The following FAM120B variants were observed in gnomAD, a reference collection of about 807,000 sequenced individuals.
The protein encoded by FAM120B is family with sequence similarity 120 member B.
FAM120B carries 83 observed loss-of-function variants against 96.3 expected under a neutral mutation model. That is an observed-to-expected ratio of 0.86 (90% CI 0.72 to 1.03). FAM120B has a LOEUF of 1.03. Among genes scored for constraint, FAM120B ranks in the 50% least tolerant of loss-of-function variants. The pLI, the probability that FAM120B is intolerant of heterozygous loss-of-function variation, is 0.00. For synonymous variants in FAM120B, 407 were observed against 402.7 expected (o/e 1.01, Z -0.13); for missense variants, 1,027 against 1,121.2 (o/e 0.92, Z 1.20).
chr6:170,310,956 A>G (rs1272621040), intron 1 of FAM120B, among the ~76,000 whole-genome samples: 1 of 152,084 alleles, frequency 6.6e-6, no homozygotes, highest in East Asian at 1.9e-4. Context: ...TGAATGTGGG[A>G]ATTTGGTTGA....
In FAM120B at chr6:170,318,408, G is replaced by C. The variant is rs1448896034; in HGVS notation, c.1018G>C (p.Glu340Gln). The C allele has an allele frequency of 1.9e-6, 3 of 1,614,104 alleles. No homozygotes were observed. Residue 340 changes from glutamate to glutamine, a missense_variant, in exon 2 of 11, where the codon GAA (glutamate) becomes CAA (glutamine). Physicochemically the swap from Glu to Gln is conservative, Grantham distance 29. Coordinates refer to ENST00000476287, the MANE Select transcript of FAM120B (RefSeq NM_032448.3). ...GAGTTCAGACGCCGAATCCAGGGAA[G>C]AAGTTCCCATGTGTTCAGATGCTGA... ...STSSDAESRE[E>Q]VPMCSDAESR...
chr6:170,310,164 A>G (rs1263253596), intron 1 of FAM120B, among the ~76,000 whole-genome samples: 1 of 152,238 alleles, frequency 6.6e-6, no homozygotes, highest in East Asian at 1.9e-4. Flanking sequence ...GTAGATGATA[A>G]TAAAAGCCTA....
At chr6:170,357,080 G>A (rs1336686403) in intron 5 of FAM120B, among the ~76,000 whole-genome samples, 1 of 152,136 alleles carries the variant, frequency 6.6e-6, no homozygotes, top group Non-Finnish European at 1.5e-5. Context: ...AAATAGGCAT[G>A]TTAGCCATTT....
chr6:170,291,082 C>A (rs1161508513), upstream of FAM120B: 1 of 701,346 alleles, frequency 1.4e-6, no homozygotes, highest in Non-Finnish European at 2.6e-6. Context: ...GGTCAGTGAG[C>A]TGTAAAATGT....
At chr6:170,398,121 A>C (rs1340066135) in intron 9 of FAM120B, among the ~76,000 whole-genome samples, 2 of 152,232 alleles carry the variant, frequency 1.3e-5, no homozygotes, top group Non-Finnish European at 2.9e-5. Context: ...TCACAGAGGA[A>C]ACTGTAAAGA....
chr6:170,400,620 C>G (rs777561609), intron 9 of FAM120B, among the ~76,000 whole-genome samples: 3 of 152,164 alleles, frequency 2.0e-5, no homozygotes, highest in Admixed American at 1.3e-4. Context: ...CTCCACAGCA[C>G]CAGCATCCAG....
Position 170,295,992 on chromosome 6 carries a change from G to T in FAM120B, c.48+539G>T, listed in dbSNP as rs1266681875. Among the ~76,000 whole-genome samples, 3 of 152,090 alleles carry T rather than the reference G, an allele frequency of 2.0e-5. No homozygotes were observed. The highest frequency in any genetic ancestry group is 4.4e-5 in the Non-Finnish European group (3 of 67,992). On this transcript the variant is annotated intron_variant, in intron 1 of 10. Transcript: ENST00000537664. The surrounding 1 kb of genome is among the most constrained non-coding windows in gnomAD (Gnocchi z 7.8). ...AGCGGGCCCCCGCCCCCTCCTCTGCGCCGCGGCTCCTTCCCCTGGAACCCG... is the reference window on the plus strand; with the variant it reads ...AGCGGGCCCCCGCCCCCTCCTCTGCTCCGCGGCTCCTTCCCCTGGAACCCG...
intron 6 of FAM120B, among the ~76,000 whole-genome samples, chr6:170,362,834 A>G (rs1788551217): frequency 6.7e-6 from 1 of 150,230 alleles, no homozygotes; most frequent in Admixed American, 6.6e-5. Flanking sequence ...GGCGCACACC[A>G]CCATGCCTAG....
intron 4 of FAM120B, 91 bp downstream of exon 4, chr6:170,330,641 C>A: frequency 1.1e-6 from 1 of 948,750 alleles, no homozygotes; most frequent in Non-Finnish European, 1.6e-6. Context: ...GCATCTTTTA[C>A]CAGAATTGCA....
chr6:170,320,275 T>G (rs1398598614), intron 2 of FAM120B, among the ~76,000 whole-genome samples: 2 of 152,178 alleles, frequency 1.3e-5, no homozygotes, highest in African/African-American at 4.8e-5. Context: ...GCTGAGCAGC[T>G]GTGTGGTGAT....
chr6:170,350,092 C>T (rs1158870679), intron 5 of FAM120B, among the ~76,000 whole-genome samples: 1 of 152,216 alleles, frequency 6.6e-6, no homozygotes, highest in African/African-American at 2.4e-5. Context: ...AGAGCAGCTG[C>T]TCAGGCATAC....
chr6:170,364,469 G>T (rs1293298028), intron 6 of FAM120B, among the ~76,000 whole-genome samples: 1 of 152,162 alleles, frequency 6.6e-6, no homozygotes, highest in Non-Finnish European at 1.5e-5. Context: ...CAGTGTTCTT[G>T]CTCCTCTTTA....
intron 1 of FAM120B, among the ~76,000 whole-genome samples, chr6:170,298,527 T>A (rs1583164758): frequency 6.6e-6 from 1 of 152,106 alleles, no homozygotes; most frequent in South Asian, 2.1e-4. Context: ...TCTTTTTTTT[T>A]TTTTTTTGTT....
rs566940902 is a variant in FAM120B, at chr6:170,331,450, C to CTAT, written c.2017+902_2017+904dup. Among the ~76,000 whole-genome samples, 390 of 152,262 alleles carry CTAT rather than the reference C, an allele frequency of 2.6e-3. 1 individual carries two copies. The highest frequency in any genetic ancestry group is 8.5e-3 in the African/African-American group (354 of 41,560). On this transcript the variant is annotated intron_variant, in intron 4 of 10. Coordinates refer to ENST00000476287, the MANE Select transcript of FAM120B (RefSeq NM_032448.3). ...GTATTGAGAGAGAAGTTGAGAAAAG[C>CTAT]TATTGTAGGGAGTGTTTCCTTATTC...
intron 4 of FAM120B, among the ~76,000 whole-genome samples, chr6:170,344,324 T>C (rs13216780): frequency 3.2e-4 from 40 of 125,048 alleles, no homozygotes; most frequent in Non-Finnish European, 1.6e-4. Flanking sequence ...GGTTCCTGAG[T>C]AGACCCACCT....
intron 5 of FAM120B, among the ~76,000 whole-genome samples, chr6:170,354,238 G>A (rs559469083): frequency 6.6e-5 from 10 of 152,236 alleles, no homozygotes; most frequent in African/African-American, 2.4e-4. Context: ...ATTGAAACTG[G>A]ATCCCTTCAT....
chr6:170,325,606 C>T (rs1196005929), intron 3 of FAM120B, among the ~76,000 whole-genome samples: 10 of 151,448 alleles, frequency 6.6e-5, no homozygotes, highest in South Asian at 4.2e-4. Flanking sequence ...TTTGGGAGGC[C>T]GAGGCAGGCG....
chr6:170,377,083 G>C (rs1269032048), intron 6 of FAM120B, among the ~76,000 whole-genome samples: 1 of 134,480 alleles, frequency 7.4e-6, no homozygotes, highest in African/African-American at 2.9e-5. Context: ...ACAGGCTCAC[G>C]CTGCTCGGTG....
intron 4 of FAM120B, among the ~76,000 whole-genome samples, chr6:170,340,423 A>C (rs1011236194): frequency 6.6e-6 from 1 of 152,174 alleles, no homozygotes; most frequent in African/African-American, 2.4e-5. Flanking sequence ...GCTTCCTTGC[A>C]TTGGGTTAGA....
Sources: gnomAD v4.1 joint callset for allele counts (sites outside exome capture counted in the v4.1 genomes callset) on GRCh38, gnomAD v4.1.1 for gene constraint, Gnocchi (gnomAD v3.1) non-coding constraint, MANE v1.5 for transcripts, NCBI Gene and HGNC (gene_info 2026-07-23, HGNC 2026-07-21) for gene names.